FHIT: variants seen among roughly 807,000 people sequenced by gnomAD.
FHIT encodes bis(5'-adenosyl)-triphosphatase.
FHIT carries 19 observed loss-of-function variants against 17.9 expected under a neutral mutation model. The observed-to-expected ratio is 1.06, with a 90% CI of 0.74 to 1.56. FHIT has a LOEUF of 1.56. Ranked by LOEUF, FHIT falls within the 40% of genes most tolerant of loss-of-function variation. FHIT has a pLI of 0.00. For synonymous variants in FHIT, 81 were observed against 69.7 expected (o/e 1.16, Z -0.81); for missense variants, 248 against 189.2 (o/e 1.31, Z -1.82).
intron 5 of FHIT, among the ~76,000 whole-genome samples, chr3:60,339,807 C>T (rs942396441): frequency 1.3e-5 from 2 of 152,172 alleles, no homozygotes; most frequent in Non-Finnish European, 2.9e-5. Context: ...CATCCACAGA[C>T]AACACGGTGG....
In FHIT at chr3:60,373,992, T is replaced by C. The variant is rs866736369; in HGVS notation, c.103+162868A>G. ...ATCTCTAGTATGTGGTGAATCTGGT[T>C]ATTGCAATTACTACATGTATCTTTT... On this transcript the variant is annotated intron_variant, in intron 5 of 9. Coordinates refer to ENST00000492590, the MANE Select transcript of FHIT (RefSeq NM_002012.4). Among the ~76,000 whole-genome samples the C allele has an allele frequency of 2.6e-5, 4 of 152,318 alleles. No individual in the cohort carries two copies. The Middle Eastern group carries it at 0.01, about 389-fold the overall frequency.
chr3:60,734,548 TG>T (rs1347467087), intron 4 of FHIT, among the ~76,000 whole-genome samples: 1 of 152,116 alleles, frequency 6.6e-6, no homozygotes, highest in Non-Finnish European at 1.5e-5. Context: ...ACCACAGGCA[TG>T]GCACCACCGG....
Position 60,438,022 on chromosome 3 carries a change from A to T in FHIT, c.103+98838T>A, listed in dbSNP as rs1374828024. ...AAACTTTCATATAGTCATATTATAT[A>T]AAAAGATTCTATATAATTACATGAG... On this transcript the variant is annotated intron_variant, in intron 5 of 9. Coordinates refer to ENST00000492590, the MANE Select transcript of FHIT (RefSeq NM_002012.4). 2.0e-5 allele frequency among the ~76,000 whole-genome samples: 3 copies of T among 152,238 alleles called. 1 individual carries two copies. Among genetic ancestry groups the T allele is most frequent in the South Asian group, 4.1e-4 (2 of 4,830 alleles).
Position 60,121,721 on chromosome 3 carries a change from C to A in FHIT, c.104-107569G>T, listed in dbSNP as rs1224453027. Among the ~76,000 whole-genome samples the A allele has an allele frequency of 7.9e-3, 979 of 123,420 alleles. 17 individuals are homozygous for A. Among genetic ancestry groups the A allele is most frequent in the African/African-American group, 0.024 (893 of 37,398 alleles). 81.0% of individuals were successfully genotyped at this position (123,420 alleles called of 152,430 possible). A position where few individuals can be genotyped will look rare whatever the true frequency, so the allele number is the denominator to read the frequency against. On this transcript the variant is annotated intron_variant, in intron 5 of 9. Coordinates refer to ENST00000492590, the MANE Select transcript of FHIT (RefSeq NM_002012.4). ...AACAAACAAAACAAACACACACACA[C>A]ACACACACACACACACACACACACA...
intron 5 of FHIT, among the ~76,000 whole-genome samples, chr3:60,467,861 G>T (rs530963297): frequency 6.6e-6 from 1 of 152,138 alleles, no homozygotes; most frequent in Non-Finnish European, 1.5e-5. Flanking sequence ...TAAGATGTTT[G>T]CTGACTTTCT....
intron 5 of FHIT, among the ~76,000 whole-genome samples, chr3:60,134,607 T>G (rs951839958): frequency 2.0e-5 from 3 of 152,172 alleles, no homozygotes; most frequent in African/African-American, 7.2e-5. Flanking sequence ...AAGCTCAACC[T>G]AGATTCACAA....
intron 3 of FHIT, among the ~76,000 whole-genome samples, chr3:61,016,831 C>T (rs923777556): frequency 2.0e-5 from 3 of 152,228 alleles, no homozygotes; most frequent in African/African-American, 7.2e-5. Context: ...TTTACAAACT[C>T]TATCTGTTCT....
Position 60,351,400 on chromosome 3 carries a change from G to A in FHIT, c.103+185460C>T, listed in dbSNP as rs115596767. 3.9e-3 allele frequency among the ~76,000 whole-genome samples: 590 copies of A among 152,292 alleles called. 3 individuals carry two copies. Among genetic ancestry groups the A allele is most frequent in the Non-Finnish European group, 5.0e-3 (337 of 68,024 alleles). On this transcript the variant is annotated intron_variant, in intron 5 of 9. Transcript: ENST00000492590. ...ACAGTTGATGGGCATAGTGGAAAGA[G>A]AGGTCTGGTGTAACTTTATATGCAG...
chr3:60,019,647 A>G (rs1463461685), intron 5 of FHIT, among the ~76,000 whole-genome samples: 2 of 151,944 alleles, frequency 1.3e-5, no homozygotes, highest in Non-Finnish European at 2.9e-5. Context: ...TAAACTCCCG[A>G]CCTTAGGTGA....
At chr3:60,959,626 A>G (rs147205937) in intron 3 of FHIT, among the ~76,000 whole-genome samples, 81 of 152,200 alleles carry the variant, frequency 5.3e-4, no homozygotes, top group African/African-American at 1.9e-3. Flanking sequence ...ATCTGAAGAG[A>G]GAAAATGAAG....
chr3:61,020,260 G>A (rs1575849670), intron 3 of FHIT, among the ~76,000 whole-genome samples: 1 of 152,126 alleles, frequency 6.6e-6, no homozygotes, highest in Non-Finnish European at 1.5e-5. Context: ...TCTCATTGTA[G>A]TTCTGATTTG....
chr3:60,235,124 C>T (rs1396844467), intron 5 of FHIT, among the ~76,000 whole-genome samples: 1 of 152,096 alleles, frequency 6.6e-6, no homozygotes, highest in African/African-American at 2.4e-5. Flanking sequence ...CCATCTTCCT[C>T]TCCCCAAAAA....
At chr3:60,812,863 C>T (rs1196708524) in intron 4 of FHIT, among the ~76,000 whole-genome samples, 2 of 152,114 alleles carry the variant, frequency 1.3e-5, no homozygotes, top group Admixed American at 6.5e-5. Flanking sequence ...AGTTGTATGA[C>T]ATTGGACAAC....
At chr3:60,613,248 C>T (rs2038841011) in intron 4 of FHIT, among the ~76,000 whole-genome samples, 1 of 152,150 alleles carries the variant, frequency 6.6e-6, no homozygotes, top group Non-Finnish European at 1.5e-5. Context: ...CCAAGTCTCA[C>T]TTCACTGAAT....
chr3:60,878,000 A>G (rs1413804318), intron 3 of FHIT, among the ~76,000 whole-genome samples: 1 of 152,124 alleles, frequency 6.6e-6, no homozygotes, highest in Non-Finnish European at 1.5e-5. Flanking sequence ...CTTCATTCTC[A>G]GGGACCTAAG....
intron 5 of FHIT, among the ~76,000 whole-genome samples, chr3:60,104,729 T>C (rs756296801): frequency 1.3e-5 from 2 of 152,096 alleles, no homozygotes; most frequent in Non-Finnish European, 2.9e-5. Flanking sequence ...TTAAGACAGA[T>C]AAAATTTAGA....
chr3:60,157,572 A>G (rs1267306387), intron 5 of FHIT, among the ~76,000 whole-genome samples: 1 of 152,202 alleles, frequency 6.6e-6, no homozygotes, highest in African/African-American at 2.4e-5. Context: ...TTCGAGGTGA[A>G]AGCTCTGAGG....
chr3:61,048,055 A>G (rs62268699), intron 2 of FHIT, among the ~76,000 whole-genome samples: 1 of 151,618 alleles, frequency 6.6e-6, no homozygotes, highest in African/African-American at 2.4e-5. Context: ...CATTCAGGAC[A>G]TAGGCATGGG....
intron 5 of FHIT, among the ~76,000 whole-genome samples, chr3:60,247,419 G>C (rs1044184232): frequency 6.7e-6 from 1 of 148,884 alleles, no homozygotes; most frequent in Non-Finnish European, 1.5e-5. Flanking sequence ...GAAGAAGGAA[G>C]AAGATGATGA....
Sources: gnomAD v4.1 joint callset for allele counts (sites outside exome capture counted in the v4.1 genomes callset) on GRCh38, gnomAD v4.1.1 for gene constraint, MANE v1.5 for transcripts, NCBI Gene and HGNC (gene_info 2026-07-23, HGNC 2026-07-21) for gene names.